The following FBXO36 variants were observed in gnomAD, a reference collection of about 807,000 sequenced individuals.
FBXO36 encodes the protein F-box protein 36, also known as F-box only protein 36.
FBXO36 carries 18 observed loss-of-function variants against 17.0 expected under a neutral mutation model. The ratio of observed to expected loss-of-function variants is 1.06; its 90% confidence interval spans 0.73 to 1.57. FBXO36 has a LOEUF of 1.57. Ranked by LOEUF, FBXO36 falls within the 40% of genes most tolerant of loss-of-function variation. The pLI is 0.00. For missense variants in FBXO36, 229 were observed against 221.9 expected (o/e 1.03, Z -0.20); for synonymous variants, 83 against 85.3 (o/e 0.97, Z 0.15).
At chr2:230,008,226 A>C (rs1322965331) in intron 3 of FBXO36, among the ~76,000 whole-genome samples, 3 of 152,286 alleles carry the variant, frequency 2.0e-5, no homozygotes, top group African/African-American at 7.2e-5. Context: ...ATGAACCTGG[A>C]ACAGCATCCT....
chr2:229,995,454 G>T (rs1391479059), intron 2 of FBXO36, among the ~76,000 whole-genome samples: 4 of 148,012 alleles, frequency 2.7e-5, no homozygotes, highest in Non-Finnish European at 4.5e-5. Context: ...CATCCAGCCT[G>T]AGCAACATAG....
intron 2 of FBXO36, among the ~76,000 whole-genome samples, chr2:229,990,245 A>G (rs1305020309): frequency 6.7e-6 from 1 of 148,780 alleles, no homozygotes; most frequent in Non-Finnish European, 1.5e-5. Flanking sequence ...TATCTTATAT[A>G]TATTGTATAA....
intron 1 of FBXO36, among the ~76,000 whole-genome samples, chr2:229,926,924 A>G (rs2076915734): frequency 6.6e-6 from 1 of 151,418 alleles, no homozygotes; most frequent in South Asian, 2.1e-4. Context: ...CAGTGGGGTG[A>G]TCTCGGCTCA....
chr2:229,934,630 T>C (rs530158675), intron 1 of FBXO36, among the ~76,000 whole-genome samples: 4 of 152,254 alleles, frequency 2.6e-5, no homozygotes, highest in African/African-American at 9.6e-5. Context: ...AGACTTTACC[T>C]TTTCTATGAC....
intron 2 of FBXO36, among the ~76,000 whole-genome samples, chr2:229,992,877 TG>T (rs2077304925): frequency 6.6e-6 from 1 of 152,172 alleles, no homozygotes; most frequent in South Asian, 2.1e-4. Context: ...CTTATACACA[TG>T]GCTGAGAAAT....
intron 3 of FBXO36, among the ~76,000 whole-genome samples, chr2:229,998,537 G>A (rs1291651493): frequency 2.6e-5 from 4 of 151,796 alleles, no homozygotes; most frequent in Non-Finnish European, 2.9e-5. Context: ...CAGGAGAATC[G>A]CTTGAACCCG....
chr2:229,948,879 G>A (rs1245777653), intron 1 of FBXO36, among the ~76,000 whole-genome samples: 1 of 152,052 alleles, frequency 6.6e-6, no homozygotes, highest in Non-Finnish European at 1.5e-5. Context: ...TGTTGCCCAG[G>A]CTGGAGCGCA....
At chr2:229,943,635 C>A (rs915370331) in intron 1 of FBXO36, among the ~76,000 whole-genome samples, 1 of 152,096 alleles carries the variant, frequency 6.6e-6, no homozygotes, top group African/African-American at 2.4e-5. Context: ...CTGTCAGGAG[C>A]CCTGGCCCGT....
chr2:229,940,769 C>T (rs2076993757), intron 1 of FBXO36, among the ~76,000 whole-genome samples: 1 of 152,106 alleles, frequency 6.6e-6, no homozygotes, highest in Admixed American at 6.6e-5. Flanking sequence ...GACTTCTTCC[C>T]CTTCAGAAGG....
Position 230,010,829 on chromosome 2 carries a change from G to C in FBXO36, c.512G>C (p.Arg171Pro). ...TTCACCAACAAGCTCCAGCTCCAGC[G>C]GCAGCTCCGCAAGAGGAAACAAAAA... ...LFFTNKLQLQRQLRKRKQKYG... is the reference protein window; with the variant it reads ...LFFTNKLQLQPQLRKRKQKYG... The change falls in exon 4 of 4, where the codon CGG becomes CCG. Residue 171 changes from arginine to proline, a missense_variant. By Grantham distance (103) the Arg-to-Pro change is moderately radical. Coordinates refer to ENST00000283946, the MANE Select transcript of FBXO36 (RefSeq NM_174899.5). 1.9e-6 allele frequency: 3 copies of C among 1,613,716 alleles called. No individual in the cohort carries two copies. The highest frequency in any genetic ancestry group is 2.5e-6 in the Non-Finnish European group (3 of 1,179,758).
In FBXO36 at chr2:230,010,740, C is replaced by T; in HGVS notation, c.423C>T (p.Thr141=). 1 of 1,613,734 alleles carries T rather than the reference C, an allele frequency of 6.2e-7. No homozygotes were observed. Among genetic ancestry groups the T allele is most frequent in the Non-Finnish European group, 8.5e-7 (1 of 1,179,646 alleles). ...TGTGGGAACAGATAGTCCAGTCGAC[C>T]TGCGACACCATCACTCCTGACGTGA... is the stretch of plus-strand genomic sequence containing the variant. ...DKLWEQIVQS[T]CDTITPDVRA... The change falls in exon 4 of 4, where the codon ACC becomes ACT. Residue 141 remains threonine (T), a synonymous_variant. Coordinates refer to ENST00000283946, the MANE Select transcript of FBXO36 (RefSeq NM_174899.5).
At chr2:229,954,705 G>A (rs529773497) in intron 1 of FBXO36, among the ~76,000 whole-genome samples, 2 of 150,706 alleles carry the variant, frequency 1.3e-5, no homozygotes, top group Non-Finnish European at 2.9e-5. Flanking sequence ...CCGCCATCAC[G>A]CCTGGCTAAT....
chr2:229,954,142 G>A (rs1256784617), intron 1 of FBXO36, among the ~76,000 whole-genome samples: 1 of 151,574 alleles, frequency 6.6e-6, no homozygotes, highest in African/African-American at 2.4e-5. Context: ...GGGGTTATAG[G>A]TGTGAGCTAC....
At chr2:229,963,506 G>C (rs1219344536) in intron 1 of FBXO36, among the ~76,000 whole-genome samples, 7 of 148,106 alleles carry the variant, frequency 4.7e-5, no homozygotes, top group Non-Finnish European at 1.0e-4. Flanking sequence ...GTGCAGTGGC[G>C]TGATCTCAGC....
In FBXO36 at chr2:229,927,935, G is replaced by A. The variant is rs140623876; in HGVS notation, c.96+5326G>A. 2.7e-3 allele frequency among the ~76,000 whole-genome samples: 414 copies of A among 152,250 alleles called. 1 individual carries two copies. The highest frequency in any genetic ancestry group is 6.7e-3 in the African/African-American group (280 of 41,536). On this transcript the variant is annotated intron_variant, in intron 1 of 3. Transcript: ENST00000283946. ...AAACTAGACTTGGTGATGGCTGGGC[G>A]AGAGACAACAAAAAATTGAGCTAGT...
At chr2:229,984,968 T>C (rs2077260886) in intron 2 of FBXO36, among the ~76,000 whole-genome samples, 1 of 152,178 alleles carries the variant, frequency 6.6e-6, no homozygotes, top group Non-Finnish European at 1.5e-5. Flanking sequence ...GAGATATACC[T>C]TATAAATTTT....
intron 1 of FBXO36, among the ~76,000 whole-genome samples, chr2:229,975,870 C>T (rs543435634): frequency 1.5e-3 from 233 of 151,884 alleles, no homozygotes; most frequent in African/African-American, 5.1e-3. Context: ...TGCAGTGGCG[C>T]GATCTCGGCT....
intron 1 of FBXO36, among the ~76,000 whole-genome samples, chr2:229,963,121 T>C (rs1436407477): frequency 6.7e-6 from 1 of 149,100 alleles, no homozygotes; most frequent in East Asian, 2.0e-4. Context: ...GCTGGAGTGC[T>C]GTGGCATGAT....
At chr2:229,950,645 G>A (rs1433217997) in intron 1 of FBXO36, among the ~76,000 whole-genome samples, 1 of 152,056 alleles carries the variant, frequency 6.6e-6, no homozygotes, top group Non-Finnish European at 1.5e-5. Flanking sequence ...CGGAATGAGA[G>A]CTCCCACTGA....
Sources: allele counts gnomAD v4.1 joint callset (sites outside exome capture counted in the v4.1 genomes callset), GRCh38; gene constraint gnomAD v4.1.1; transcripts MANE v1.5; gene names NCBI Gene and HGNC (gene_info 2026-07-23, HGNC 2026-07-21).